KCNMB3: variants seen among roughly 807,000 people sequenced by gnomAD.
KCNMB3 encodes the protein potassium calcium-activated channel subfamily M regulatory beta subunit 3, also known as calcium-activated potassium channel subunit beta-3.
A neutral mutation model predicts 11.9 loss-of-function variants in KCNMB3; 18 were observed. The observed-to-expected ratio is 1.51, with a 90% CI of 1.04 to 2.23. The LOEUF (loss-of-function observed/expected upper bound fraction) is 2.23. Among genes scored for constraint, KCNMB3 ranks in the 30% most tolerant of loss-of-function variants. The pLI, the probability that KCNMB3 is intolerant of heterozygous loss-of-function variation, is 0.00. For missense variants in KCNMB3, 247 were observed against 329.4 expected (o/e 0.75, Z 1.94); for synonymous variants, 78 against 119.2 (o/e 0.65, Z 2.25).
chr3:179,265,338 GA>G (rs779039409), intron 1 of KCNMB3, among the ~76,000 whole-genome samples: 2 of 152,122 alleles, frequency 1.3e-5, no homozygotes, highest in Non-Finnish European at 2.9e-5. Context: ...GTAACATGAT[GA>G]CCATTACCAT....
intron 1 of KCNMB3, chr3:179,261,298 C>G: frequency 1.6e-6 from 2 of 1,267,524 alleles, no homozygotes; most frequent in Non-Finnish European, 2.0e-6. Flanking sequence ...CCCGCTCCAC[C>G]CGGCGGGAAA....
intron 1 of KCNMB3, among the ~76,000 whole-genome samples, chr3:179,247,073 G>A (rs1233173659): frequency 6.6e-6 from 1 of 152,092 alleles, no homozygotes; most frequent in Non-Finnish European, 1.5e-5. Context: ...CGCTGAGATG[G>A]CACAAGATGT....
At chr3:179,263,285 G>C (rs1219958549) in intron 1 of KCNMB3, among the ~76,000 whole-genome samples, 1 of 152,264 alleles carries the variant, frequency 6.6e-6, no homozygotes, top group East Asian at 1.9e-4. Flanking sequence ...TGGCTTGTAG[G>C]CCGGTCGGCC....
downstream of KCNMB3, chr3:179,241,670 A>C (rs145045585): frequency 1.8e-4 from 27 of 152,336 alleles, 1 homozygote; most frequent in African/African-American, 6.0e-4. Context: ...ATTCGGCTTA[A>C]TCAACCTGGA....
intron 1 of KCNMB3, among the ~76,000 whole-genome samples, chr3:179,245,421 A>G (rs1243493027): frequency 6.6e-6 from 1 of 152,100 alleles, no homozygotes; most frequent in Non-Finnish European, 1.5e-5. Context: ...GTCAAGAGCT[A>G]TATCCAATTC....
At position 179,250,724 on chromosome 3, in the gene KCNMB3, T is replaced by C. The variant is rs1560157050; in HGVS notation, c.248+19A>G. On this transcript the variant is annotated intron_variant, in intron 1 of 2. Transcript: ENST00000392685. ...TTATCTGAATTGGAAACTCTAGATTTCCTTCCTCTGTTTCTTACCTGAGCA... is the reference window on the plus strand; with the variant it reads ...TTATCTGAATTGGAAACTCTAGATTCCCTTCCTCTGTTTCTTACCTGAGCA... 4 of 1,613,170 alleles carry C rather than the reference T, an allele frequency of 2.5e-6. No homozygotes were observed. Among genetic ancestry groups the C allele is most frequent in the Non-Finnish European group, 3.4e-6 (4 of 1,179,224 alleles).
intron 1 of KCNMB3, chr3:179,261,333 C>G (rs925963963): frequency 2.5e-6 from 3 of 1,187,124 alleles, no homozygotes; most frequent in Non-Finnish European, 3.1e-6. Context: ...GCCGGAGCCC[C>G]CCCCCGCGGG....
chr3:179,261,329 GC>G lies in KCNMB3; in HGVS notation c.62+5319del, dbSNP rs147623976. 6.3e-3 allele frequency: 7,071 copies of G among 1,122,478 alleles called. 154 individuals are homozygous for G. The East Asian group carries it at 0.1, about 16-fold the overall frequency. The allele number at this position is 1,122,478 out of a possible 1,614,324, so 69.5% of individuals were successfully genotyped here. ...GGAAACGCTCGGGGACCGTGCCGGAGCCCCCCCCCGCGGGCCGGGCCAGGGG... is the reference window on the plus strand; with the variant it reads ...GGAAACGCTCGGGGACCGTGCCGGAGCCCCCCCCGCGGGCCGGGCCAGGGG... On this transcript the variant is annotated intron_variant, in intron 1 of 3. Coordinates refer to the KCNMB3 transcript ENST00000349697.
At chr3:179,264,501 C>T (rs1000350331) in intron 1 of KCNMB3, among the ~76,000 whole-genome samples, 12 of 152,176 alleles carry the variant, frequency 7.9e-5, no homozygotes, top group Non-Finnish European at 1.3e-4. Context: ...TTACCTTGAG[C>T]TGTTTTATTC....
chr3:179,249,215 A>T (rs1463400972), intron 1 of KCNMB3, among the ~76,000 whole-genome samples: 1 of 149,940 alleles, frequency 6.7e-6, no homozygotes, highest in African/African-American at 2.4e-5. Context: ...GGGTTTCAGC[A>T]TGTTAGCCAG....
chr3:179,259,247 A>T, intron 1 of KCNMB3: 2 of 1,534,706 alleles, frequency 1.3e-6, no homozygotes, highest in Non-Finnish European at 1.7e-6. Context: ...CCTGTGAGGG[A>T]CTTTCATTTT....
chr3:179,256,714 A>G (rs1277533259), intron 1 of KCNMB3, among the ~76,000 whole-genome samples: 1 of 152,134 alleles, frequency 6.6e-6, no homozygotes, highest in African/African-American at 2.4e-5. Context: ...AATGGAAGGG[A>G]AAAAAATCAA....
chr3:179,262,319 C>T (rs7619599), intron 1 of KCNMB3, among the ~76,000 whole-genome samples: 1 of 152,096 alleles, frequency 6.6e-6, no homozygotes. Context: ...TTGGTCTCAC[C>T]GACTTCAAGA....
chr3:179,254,548 C>T (rs927149754), upstream of KCNMB3, among the ~76,000 whole-genome samples: 1 of 152,142 alleles, frequency 6.6e-6, no homozygotes, highest in Non-Finnish European at 1.5e-5. Flanking sequence ...CAATGGCTCA[C>T]GCCTGTAATC....
chr3:179,245,646 C>G (rs145425303), intron 1 of KCNMB3, among the ~76,000 whole-genome samples: 1 of 151,964 alleles, frequency 6.6e-6, no homozygotes, highest in Non-Finnish European at 1.5e-5. Context: ...ATTACAGGTG[C>G]GCACCATCAC....
intron 1 of KCNMB3, among the ~76,000 whole-genome samples, chr3:179,249,775 T>G (rs1725770032): frequency 6.6e-6 from 1 of 152,186 alleles, no homozygotes; most frequent in East Asian, 1.9e-4. Context: ...AGCAAACTAA[T>G]GCAGAAACAG....
At chr3:179,255,247 A>C (rs931647737), upstream of KCNMB3, among the ~76,000 whole-genome samples, 38 of 150,926 alleles carry the variant, frequency 2.5e-4, no homozygotes, top group Non-Finnish European at 3.4e-4. Flanking sequence ...GTTTGAGTGC[A>C]AAAAAAATAG....
intron 1 of KCNMB3, among the ~76,000 whole-genome samples, chr3:179,245,701 G>A (rs546332195): frequency 2.0e-5 from 3 of 152,170 alleles, no homozygotes; most frequent in South Asian, 2.1e-4. Context: ...GGGTTTCACC[G>A]CATTGGCCTG....
In KCNMB3 at chr3:179,242,828, CAG is replaced by C. The variant is rs1382274292; in HGVS notation, c.*74_*75del. On this transcript the variant is annotated 3_prime_UTR_variant, in exon 3 of 3. Coordinates refer to ENST00000392685, the MANE Select transcript of KCNMB3 (RefSeq NM_171830.2). ...TATTACCTTTTACATTATTAGTTTGCAGACAGGCATAATTAGGTCCTCAGTTG... is the reference window on the plus strand; with the variant it reads ...TATTACCTTTTACATTATTAGTTTGCACAGGCATAATTAGGTCCTCAGTTG... The C allele has an allele frequency of 6.7e-7, 1 of 1,484,538 alleles. No homozygotes were observed. Among genetic ancestry groups the C allele is most frequent in the Middle Eastern group, 1.8e-4 (1 of 5,546 alleles). The allele number at this position is 1,484,538 out of a possible 1,614,324, so 92.0% of individuals were successfully genotyped here. A position where few individuals can be genotyped will look rare whatever the true frequency, so the allele number is the denominator to read the frequency against.
Sources: allele counts gnomAD v4.1 joint callset (sites outside exome capture counted in the v4.1 genomes callset), GRCh38; gene constraint gnomAD v4.1.1; transcripts MANE v1.5; gene names NCBI Gene and HGNC (gene_info 2026-07-23, HGNC 2026-07-21).